Variants in NOL4 observed in about 807,000 individuals in gnomAD.
NOL4 encodes the protein cancer/testis antigen 125.
NOL4 carries 17 observed loss-of-function variants against 75.9 expected under a neutral mutation model. That is an observed-to-expected ratio of 0.22 (90% CI 0.15 to 0.34). The LOEUF is 0.34. Among genes scored for constraint, NOL4 ranks in the 10% least tolerant of loss-of-function variants. The pLI, the probability that NOL4 is intolerant of heterozygous loss-of-function variation, is 1.00. For missense variants in NOL4, 614 were observed against 793.5 expected (o/e 0.77, Z 2.72); for synonymous variants, 292 against 289.9 (o/e 1.01, Z -0.07).
chr18:34,184,973 C>T (rs1032286924), intron 1 of NOL4, among the ~76,000 whole-genome samples: 1 of 152,072 alleles, frequency 6.6e-6, no homozygotes, highest in Non-Finnish European at 1.5e-5. Flanking sequence ...TAAATAGGAC[C>T]TCAGATTAGG....
intron 10 of NOL4, among the ~76,000 whole-genome samples, chr18:33,871,388 A>T (rs1007263820): frequency 6.6e-6 from 1 of 151,956 alleles, no homozygotes; most frequent in African/African-American, 2.4e-5. Flanking sequence ...GGCTGGCTCA[A>T]TGTCCATATA....
At chr18:34,215,112 A>G (rs1038861394) in intron 1 of NOL4, among the ~76,000 whole-genome samples, 1 of 152,218 alleles carries the variant, frequency 6.6e-6, no homozygotes, top group Non-Finnish European at 1.5e-5. Flanking sequence ...ACTTAACACT[A>G]CTTAAGTCTA....
intron 6 of NOL4, among the ~76,000 whole-genome samples, chr18:34,002,664 A>G (rs947958198): frequency 1.4e-4 from 21 of 152,136 alleles, no homozygotes; most frequent in African/African-American, 5.1e-4. Flanking sequence ...GGCTTAATAA[A>G]TACTCATTAA....
intron 6 of NOL4, among the ~76,000 whole-genome samples, chr18:33,975,303 TGA>T (rs1436435733): frequency 6.6e-6 from 1 of 152,230 alleles, no homozygotes; most frequent in African/African-American, 2.4e-5. Context: ...GCTAAAATTA[TGA>T]GACTTTTTTA....
At chr18:34,001,963 GTC>G (rs1282694808) in intron 6 of NOL4, among the ~76,000 whole-genome samples, 1 of 152,086 alleles carries the variant, frequency 6.6e-6, no homozygotes, top group Non-Finnish European at 1.5e-5. Context: ...CAAACTGGGT[GTC>G]ACAGCAGCTT....
chr18:34,004,553 T>C (rs2073924169), intron 6 of NOL4, among the ~76,000 whole-genome samples: 2 of 152,108 alleles, frequency 1.3e-5, no homozygotes, highest in Non-Finnish European at 2.9e-5. Context: ...AACATTTTAC[T>C]CAGGGCTTAG....
chr18:33,919,652 T>C (rs1373842903), intron 9 of NOL4, among the ~76,000 whole-genome samples: 1 of 152,192 alleles, frequency 6.6e-6, no homozygotes, highest in Non-Finnish European at 1.5e-5. Context: ...TGAATGACAG[T>C]ACTTTTCAAG....
chr18:34,116,915 AGTTATTCAATAAAAAGG>A (rs1189824630), intron 2 of NOL4, among the ~76,000 whole-genome samples: 1 of 152,150 alleles, frequency 6.6e-6, no homozygotes, highest in Non-Finnish European at 1.5e-5. Context: ...TTCATTTCTA[AGTTATTCAATAAAAAGG>A]GTTTCTAACT....
intron 1 of NOL4, among the ~76,000 whole-genome samples, chr18:34,187,497 C>G (rs1461425338): frequency 2.0e-5 from 3 of 151,918 alleles, no homozygotes; most frequent in African/African-American, 7.3e-5. Flanking sequence ...CTGCCTCAGC[C>G]TCCCGCGTAG....
chr18:34,095,251 ATGTGTG>A (rs60017439), intron 4 of NOL4, among the ~76,000 whole-genome samples: 13 of 144,406 alleles, frequency 9.0e-5, no homozygotes, highest in African/African-American at 2.3e-4. Flanking sequence ...TCTAATGTGT[ATGTGTG>A]TGTGTGTGTG....
intron 9 of NOL4, among the ~76,000 whole-genome samples, chr18:33,915,543 G>A (rs2066665446): frequency 6.6e-6 from 1 of 152,086 alleles, no homozygotes; most frequent in Admixed American, 6.6e-5. Context: ...ATAGGCGAGA[G>A]GCGATGGGAT....
At chr18:33,900,734 T>A (rs964480385) in intron 9 of NOL4, among the ~76,000 whole-genome samples, 1 of 152,190 alleles carries the variant, frequency 6.6e-6, no homozygotes, top group African/African-American at 2.4e-5. Context: ...TTTTGGCATA[T>A]GTTTTCAGAC....
At chr18:34,101,927 C>T (rs1341557638) in intron 4 of NOL4, among the ~76,000 whole-genome samples, 1 of 152,012 alleles carries the variant, frequency 6.6e-6, no homozygotes, top group Admixed American at 6.6e-5. Flanking sequence ...TGGCTTTCCA[C>T]TATCTCCTTA....
chr18:34,160,332 A>G (rs2031267244), intron 1 of NOL4, among the ~76,000 whole-genome samples: 1 of 152,110 alleles, frequency 6.6e-6, no homozygotes, highest in Non-Finnish European at 1.5e-5. Flanking sequence ...TGCTGTAACT[A>G]GGGCTTTTCA....
At chr18:33,926,186 C>T (rs1157601861) in intron 9 of NOL4, among the ~76,000 whole-genome samples, 2 of 151,668 alleles carry the variant, frequency 1.3e-5, no homozygotes, top group Non-Finnish European at 2.9e-5. Flanking sequence ...ATGGTGAAAC[C>T]CTGTCTCTAC....
rs186865560 is a variant in NOL4 at position 34,221,789 on chromosome 18, A to T, written c.264+1201T>A. On this transcript the variant is annotated intron_variant, in intron 1 of 10. Transcript: ENST00000261592. ...AAAGACCCTTCCAAATAATGCTTTA[A>T]AAAAAACTTTTCATGCACATATTTT... Among the ~76,000 whole-genome samples the T allele has an allele frequency of 2.8e-3, 428 of 152,262 alleles. 3 individuals carry two copies. The highest frequency in any genetic ancestry group is 9.7e-3 in the African/African-American group (403 of 41,552).
intron 6 of NOL4, among the ~76,000 whole-genome samples, chr18:34,010,641 T>C (rs532225533): frequency 2.0e-5 from 3 of 152,040 alleles, no homozygotes; most frequent in East Asian, 3.9e-4. Flanking sequence ...CTGTTCTCCA[T>C]AGTGGTTGTT....
chr18:34,188,815 T>A (rs1389654680), intron 1 of NOL4, among the ~76,000 whole-genome samples: 2 of 152,174 alleles, frequency 1.3e-5, no homozygotes, highest in African/African-American at 2.4e-5. Flanking sequence ...CATCATAATT[T>A]GAGGACTATC....
At chr18:33,870,305 TAG>T (rs1163947721) in intron 10 of NOL4, among the ~76,000 whole-genome samples, 1 of 151,898 alleles carries the variant, frequency 6.6e-6, no homozygotes, top group Non-Finnish European at 1.5e-5. Flanking sequence ...GTTCACATAG[TAG>T]AGAGTGGAAT....
Sources: allele counts gnomAD v4.1 joint callset (sites outside exome capture counted in the v4.1 genomes callset), GRCh38; gene constraint gnomAD v4.1.1; transcripts MANE v1.5; gene names NCBI Gene and HGNC (gene_info 2026-07-23, HGNC 2026-07-21).